GALNT16: variants seen among roughly 807,000 people sequenced by gnomAD.
The protein encoded by GALNT16 is polypeptide N-acetylgalactosaminyltransferase 16, also known as UDP-GalNAc:polypeptide N-acetylgalactosaminyltransferase-like protein 1.
GALNT16 carries 40 observed loss-of-function variants against 76.1 expected under a neutral mutation model. The ratio of observed to expected loss-of-function variants is 0.53; its 90% CI spans 0.41 to 0.68. The LOEUF is 0.68. Ranked by LOEUF, GALNT16 falls within the 30% of genes least tolerant of loss-of-function variation. The pLI, the probability that GALNT16 is intolerant of heterozygous loss-of-function variation, is 0.00. For missense variants in GALNT16, 621 were observed against 731.9 expected (o/e 0.85, Z 1.75); for synonymous variants, 276 against 285.2 (o/e 0.97, Z 0.32).
At chr14:69,337,294 T>TA (rs36013695) in intron 9 of GALNT16, among the ~76,000 whole-genome samples, 32 of 151,878 alleles carry the variant, frequency 2.1e-4, no homozygotes, top group Admixed American at 8.5e-4. Context: ...ACGTCCTCGT[T>TA]AAAAAAAATA....
intron 1 of GALNT16, among the ~76,000 whole-genome samples, chr14:69,318,091 C>G (rs897694201): frequency 6.6e-6 from 1 of 152,218 alleles, no homozygotes; most frequent in Admixed American, 6.5e-5. Context: ...CCCCAAGGAA[C>G]AGCAGGGTCA....
the GALNT16 span, among the ~76,000 whole-genome samples, chr14:69,384,979 T>C: frequency 2.0e-5 from 3 of 152,192 alleles, no homozygotes; most frequent in East Asian, 5.8e-4. Context: ...AATTTCCTAA[T>C]TTCAAGCATG....
chr14:69,322,015 T>A (rs763779454), intron 2 of GALNT16, among the ~76,000 whole-genome samples: 1 of 152,228 alleles, frequency 6.6e-6, no homozygotes, highest in Non-Finnish European at 1.5e-5. Context: ...GAGGGCCTGG[T>A]TCTAGCACCT....
At chr14:69,370,112 T>A in the GALNT16 span, among the ~76,000 whole-genome samples, 7 of 152,236 alleles carry the variant, frequency 4.6e-5, no homozygotes, top group Non-Finnish European at 8.8e-5. Context: ...TAGTTTGAAG[T>A]GCTGACTCTG....
intron 11 of GALNT16, among the ~76,000 whole-genome samples, chr14:69,340,308 C>A (rs1050446608): frequency 6.6e-6 from 1 of 152,126 alleles, no homozygotes; most frequent in African/African-American, 2.4e-5. Context: ...ATGCTCAAGT[C>A]CCTGATATAA....
chr14:69,344,829 C>A (rs1352524612), intron 12 of GALNT16, among the ~76,000 whole-genome samples: 1 of 152,200 alleles, frequency 6.6e-6, no homozygotes, highest in East Asian at 1.9e-4. Context: ...GGCCTCAGTA[C>A]CCATCTTGTC....
intron 1 of GALNT16, among the ~76,000 whole-genome samples, chr14:69,275,318 C>T (rs999437194): frequency 6.6e-6 from 1 of 151,984 alleles, no homozygotes; most frequent in Admixed American, 6.6e-5. Context: ...GGGAGCAGGA[C>T]CACCCACTTG....
chr14:69,325,494 T>C, intron 4 of GALNT16, 90 bp downstream of exon 4: 3 of 826,110 alleles, frequency 3.6e-6, no homozygotes, highest in Non-Finnish European at 6.5e-6. Context: ...GAGGTTGTCC[T>C]GACCATCGCA....
chr14:69,309,309 T>C (rs2044981915), intron 1 of GALNT16, among the ~76,000 whole-genome samples: 2 of 151,296 alleles, frequency 1.3e-5, no homozygotes, highest in Admixed American at 1.3e-4. Flanking sequence ...TTCTTTTTTT[T>C]TTTTTTTATT....
intron 1 of GALNT16, among the ~76,000 whole-genome samples, chr14:69,271,332 A>G (rs1197694728): frequency 3.9e-5 from 6 of 152,136 alleles, no homozygotes; most frequent in African/African-American, 1.4e-4. Flanking sequence ...AACTTGGGAG[A>G]TCAGAAGGCC....
At chr14:69,318,967 C>T (rs1340549154) in intron 1 of GALNT16, among the ~76,000 whole-genome samples, 1 of 152,254 alleles carries the variant, frequency 6.6e-6, no homozygotes. Context: ...TCCCTCCTTC[C>T]TTCCTTCCAT....
the GALNT16 span, among the ~76,000 whole-genome samples, chr14:69,370,065 G>A: frequency 1.3e-5 from 2 of 152,184 alleles, no homozygotes; most frequent in Admixed American, 1.3e-4. Context: ...AGTCTAGGGA[G>A]GTGGTTAAGC....
At chr14:69,272,885 G>A (rs1176139672) in intron 1 of GALNT16, among the ~76,000 whole-genome samples, 1 of 152,344 alleles carries the variant, frequency 6.6e-6, no homozygotes, top group Admixed American at 6.5e-5. Context: ...ATATAGCCTA[G>A]TTGTGCTGGA....
At chr14:69,379,383 A>G in the GALNT16 span, among the ~76,000 whole-genome samples, 1 of 152,242 alleles carries the variant, frequency 6.6e-6, no homozygotes, top group Non-Finnish European at 1.5e-5. Context: ...AGAAAAACTG[A>G]GCACATATGA....
At chr14:69,275,728 A>G (rs1027023813) in intron 1 of GALNT16, among the ~76,000 whole-genome samples, 7 of 152,218 alleles carry the variant, frequency 4.6e-5, no homozygotes, top group Non-Finnish European at 5.9e-5. Flanking sequence ...GCATGGTGGC[A>G]TGCACCGAGT....
At chr14:69,301,946 G>T (rs56144761) in intron 1 of GALNT16, among the ~76,000 whole-genome samples, 18,941 of 152,108 alleles carry the variant, frequency 0.12, 1,211 homozygotes, top group Middle Eastern at 0.19. Context: ...CCGAGATGGC[G>T]CCAGCTTGGG....
At position 69,283,636 on chromosome 14, in the gene GALNT16, T is replaced by G. The variant is rs538423332; in HGVS notation, c.177+23169T>G. 3.9e-5 allele frequency among the ~76,000 whole-genome samples: 6 copies of G among 152,306 alleles called. No homozygotes were observed. The South Asian group carries it at 1.2e-3, about 32-fold the overall frequency. On this transcript the variant is annotated intron_variant, in intron 1 of 14. Coordinates refer to ENST00000448469, the MANE Select transcript of GALNT16 (RefSeq NM_001168368.2). ...CTAACTGTCTGGGTTCAAATTTAGCTCTATCACTTACTAGCTGTGTGACCT... is the reference window on the plus strand; with the variant it reads ...CTAACTGTCTGGGTTCAAATTTAGCGCTATCACTTACTAGCTGTGTGACCT...
At chr14:69,297,867 G>C (rs1414609280) in intron 1 of GALNT16, among the ~76,000 whole-genome samples, 1 of 152,158 alleles carries the variant, frequency 6.6e-6, no homozygotes, top group Admixed American at 6.5e-5. Context: ...CCGACTTACT[G>C]AGAGCTTGTT....
At chr14:69,339,260 T>G (rs1351282928) in intron 10 of GALNT16, among the ~76,000 whole-genome samples, 1 of 152,100 alleles carries the variant, frequency 6.6e-6, no homozygotes, top group Non-Finnish European at 1.5e-5. Context: ...CCCTCGTACA[T>G]GTGGATGGTT....
Sources: allele counts gnomAD v4.1 joint callset (sites outside exome capture counted in the v4.1 genomes callset), GRCh38; gene constraint gnomAD v4.1.1; transcripts MANE v1.5; gene names NCBI Gene and HGNC (gene_info 2026-07-23, HGNC 2026-07-21).